PRKAR1B: variants seen among roughly 807,000 people sequenced by gnomAD.
The protein encoded by PRKAR1B is protein kinase cAMP-dependent type I regulatory subunit beta.
PRKAR1B carries 22 observed loss-of-function variants against 46.5 expected under a neutral mutation model. The ratio of observed to expected loss-of-function variants is 0.47; its 90% CI spans 0.34 to 0.68. PRKAR1B has a LOEUF of 0.68. PRKAR1B is among the 30% of genes least tolerant of loss of function. PRKAR1B has a pLI of 0.01. For missense variants in PRKAR1B, 445 were observed against 535.6 expected, an observed-to-expected ratio of 0.83 and a Z score of 1.67; for synonymous variants, 259 against 217.7, an observed-to-expected ratio of 1.19 and a Z score of -1.67.
chr7:601,765 C>T (rs145157307), intron 6 of PRKAR1B, among the ~76,000 whole-genome samples: 2,655 of 152,304 alleles, frequency 0.017, 77 homozygotes, highest in African/African-American at 0.059. Context: ...GCAGGGGGCC[C>T]GGCCATCCCA....
chr7:702,223 C>T (rs1378412489), intron 2 of PRKAR1B, among the ~76,000 whole-genome samples: 8 of 150,170 alleles, frequency 5.3e-5, no homozygotes, highest in Admixed American at 1.3e-4. Context: ...ATAGCAATCA[C>T]TTAAAGAAAA....
intron 2 of PRKAR1B, among the ~76,000 whole-genome samples, chr7:693,272 C>T (rs115628485): frequency 0.032 from 4,847 of 149,190 alleles, 303 homozygotes; most frequent in African/African-American, 0.11. Context: ...GTAAAAGTCA[C>T]ATAACTTAAA....
intron 2 of PRKAR1B, among the ~76,000 whole-genome samples, chr7:688,851 C>T (rs1254859918): frequency 1.3e-5 from 2 of 152,200 alleles, no homozygotes; most frequent in Non-Finnish European, 2.9e-5. Context: ...TAGAATACTG[C>T]CTGGGCTTGA....
At chr7:674,358 C>T (rs1177430436) in intron 4 of PRKAR1B, among the ~76,000 whole-genome samples, 3 of 152,052 alleles carry the variant, frequency 2.0e-5, no homozygotes, top group Non-Finnish European at 4.4e-5. Flanking sequence ...ATTCCAGCCA[C>T]ACCCAGCTAC....
chr7:583,925 ACT>A (rs1376861119), intron 8 of PRKAR1B, among the ~76,000 whole-genome samples: 1 of 152,088 alleles, frequency 6.6e-6, no homozygotes, highest in Non-Finnish European at 1.5e-5. Flanking sequence ...ATCGCGTATA[ACT>A]CAGGCTTCAG....
rs1041699493 is a variant in PRKAR1B at position 703,429 on chromosome 7, G to A, written c.177+7900C>T. ...TGGGAGGTTGAGGTGGGTGGATCACGAGGTCAAGAGATCGAGACCATCGAT... is the reference window on the plus strand; with the variant it reads ...TGGGAGGTTGAGGTGGGTGGATCACAAGGTCAAGAGATCGAGACCATCGAT... On this transcript the variant is annotated intron_variant, in intron 2 of 10. Coordinates refer to ENST00000537384, the MANE Select transcript of PRKAR1B (RefSeq NM_001164760.2). Among the ~76,000 whole-genome samples the A allele has an allele frequency of 2.6e-5, 4 of 152,026 alleles. No individual in the cohort carries two copies. In the East Asian group the frequency reaches 5.8e-4, roughly 22 times the overall value.
At chr7:640,773 C>CACAA (rs1384235134) in intron 4 of PRKAR1B, among the ~76,000 whole-genome samples, 2 of 97,598 alleles carry the variant, frequency 2.0e-5, no homozygotes, top group Non-Finnish European at 4.2e-5. Flanking sequence ...CAAACACACA[C>CACAA]ACACACACAC....
chr7:697,405 C>T (rs1055862968), intron 2 of PRKAR1B, among the ~76,000 whole-genome samples: 3 of 152,182 alleles, frequency 2.0e-5, no homozygotes, highest in Admixed American at 2.0e-4. Context: ...CCTGCCCCGT[C>T]CCACTGAAAG....
At chr7:597,281 C>T (rs1781319182) in intron 6 of PRKAR1B, among the ~76,000 whole-genome samples, 1 of 152,218 alleles carries the variant, frequency 6.6e-6, no homozygotes, top group Admixed American at 6.5e-5. Flanking sequence ...ATAACTGAGG[C>T]ACAGAGTCTT....
rs1784184966 is a variant in PRKAR1B at position 551,427 on chromosome 7, T to C, written c.935A>G (p.Tyr312Cys). The C allele has an allele frequency of 3.2e-6, 5 of 1,560,314 alleles. No individual in the cohort carries two copies. Among genetic ancestry groups the C allele is most frequent in the Non-Finnish European group, 3.5e-6 (4 of 1,151,986 alleles). The change falls in exon 10 of 11, where the codon TAC becomes TGC. Residue 312 changes from tyrosine to cysteine, a missense_variant. Coordinates refer to ENST00000537384, the MANE Select transcript of PRKAR1B (RefSeq NM_001164760.2). ...VLQRRSPNEE[Y>C]VEVGRLGPSD... ...GGGTCCCAGGCGCCCCACCTCCACG[T>C]ACTCCTCATTGGGGGACCGGCGCTG...
At chr7:697,653 C>T (rs1779813803) in intron 2 of PRKAR1B, among the ~76,000 whole-genome samples, 1 of 151,888 alleles carries the variant, frequency 6.6e-6, no homozygotes, top group Admixed American at 6.6e-5. Context: ...TCACATGGTA[C>T]CAACCCCAGG....
chr7:579,004 C>T (rs534703018), intron 9 of PRKAR1B: 11 of 983,876 alleles, frequency 1.1e-5, no homozygotes, highest in South Asian at 9.4e-5. Flanking sequence ...TTTTATCACA[C>T]GTGCAGCTCA....
intron 6 of PRKAR1B, among the ~76,000 whole-genome samples, chr7:605,965 C>G (rs1364901883): frequency 6.6e-6 from 1 of 152,238 alleles, no homozygotes; most frequent in African/African-American, 2.4e-5. Flanking sequence ...CCTGGAAAAC[C>G]TGAGGCCGCT....
chr7:726,352 G>A (rs1275520647), intron 1 of PRKAR1B, among the ~76,000 whole-genome samples: 1 of 152,140 alleles, frequency 6.6e-6, no homozygotes, highest in Non-Finnish European at 1.5e-5. Context: ...GGGGCTTCCC[G>A]GCTACCCTGG....
intron 2 of PRKAR1B, among the ~76,000 whole-genome samples, chr7:701,318 AAAG>A (rs1780057939): frequency 6.6e-6 from 1 of 150,882 alleles, no homozygotes; most frequent in African/African-American, 2.4e-5. Context: ...GAAAGAAAGA[AAAG>A]AAAGAGAAGA....
In PRKAR1B at chr7:667,146, A is replaced by G. The variant is rs1021805124; in HGVS notation, c.440+10083T>C. On this transcript the variant is annotated intron_variant, in intron 4 of 10. Coordinates refer to ENST00000537384, the MANE Select transcript of PRKAR1B (RefSeq NM_001164760.2). The surrounding 1 kb of genome is among the most constrained non-coding windows in gnomAD (Gnocchi z 4.3). Reference sequence around the variant, plus strand: ...GGTGGTGATGAGGATGGTGGTGGTGATGGTGATGATAATGATGGTGATGAT... The same window carrying G: ...GGTGGTGATGAGGATGGTGGTGGTGGTGGTGATGATAATGATGGTGATGAT... Among the ~76,000 whole-genome samples, 4 of 133,436 alleles carry G rather than the reference A, an allele frequency of 3.0e-5. No homozygotes were observed. The highest frequency in any genetic ancestry group is 1.2e-4 in the African/African-American group (4 of 32,860). 87.5% of individuals were successfully genotyped at this position (133,436 alleles called of 152,430 possible). A position where few individuals can be genotyped will look rare whatever the true frequency, so the allele number is the denominator to read the frequency against.
At chr7:577,335 C>T (rs1307590510) in intron 9 of PRKAR1B, among the ~76,000 whole-genome samples, 4 of 152,202 alleles carry the variant, frequency 2.6e-5, no homozygotes, top group African/African-American at 7.2e-5. Flanking sequence ...CCCACAGCTG[C>T]GGGTGTTTCG....
intron 1 of PRKAR1B, among the ~76,000 whole-genome samples, chr7:713,767 C>G (rs942916426): frequency 6.6e-6 from 1 of 152,218 alleles, no homozygotes; most frequent in Non-Finnish European, 1.5e-5. Context: ...CCAGCCCTGC[C>G]GAGCACATTC....
At chr7:671,690 G>C (rs916152489) in intron 4 of PRKAR1B, among the ~76,000 whole-genome samples, 10 of 152,076 alleles carry the variant, frequency 6.6e-5, no homozygotes, top group Admixed American at 1.3e-4. Context: ...ATCCCAGGAG[G>C]ACATTGAGAT....
Sources: gnomAD v4.1 joint callset for allele counts (sites outside exome capture counted in the v4.1 genomes callset) on GRCh38, gnomAD v4.1.1 for gene constraint, Gnocchi (gnomAD v3.1) non-coding constraint, MANE v1.5 for transcripts, NCBI Gene and HGNC (gene_info 2026-07-23, HGNC 2026-07-21) for gene names.